CTNNAL1: variants seen among roughly 807,000 people sequenced by gnomAD.
CTNNAL1 encodes alpha-catulin.
Under a neutral mutation model 93.6 loss-of-function variants are expected in CTNNAL1, and 69 were observed. The observed-to-expected ratio is 0.74, with a 90% CI of 0.61 to 0.90. CTNNAL1 has a LOEUF of 0.90. CTNNAL1 is among the 40% of genes least tolerant of loss of function. The pLI is 0.00. For missense variants in CTNNAL1, 836 were observed against 862.0 expected (o/e 0.97, Z 0.38); for synonymous variants, 286 against 305.4 (o/e 0.94, Z 0.66).
At chr9:108,979,168 C>T in intron 7 of CTNNAL1, 113 bp downstream of exon 7, 1 of 1,311,806 alleles carries the variant, frequency 7.6e-7, no homozygotes, top group Admixed American at 2.2e-5. Context: ...GATATCCTGT[C>T]CCATTCTGGA....
intron 10 of CTNNAL1, among the ~76,000 whole-genome samples, chr9:108,968,324 TG>T (rs1831015750): frequency 6.6e-6 from 1 of 152,236 alleles, no homozygotes; most frequent in Non-Finnish European, 1.5e-5. Context: ...GCTAAGGCTT[TG>T]GGAACAGAAA....
At chr9:108,957,886 G>A (rs991943872) in intron 11 of CTNNAL1, among the ~76,000 whole-genome samples, 33 of 152,094 alleles carry the variant, frequency 2.2e-4, no homozygotes, top group Admixed American at 1.0e-3. Flanking sequence ...GGGAGGCTAA[G>A]GCAAGTGGAT....
intron 11 of CTNNAL1, among the ~76,000 whole-genome samples, chr9:108,957,451 G>A (rs1331566114): frequency 6.6e-6 from 1 of 152,048 alleles, no homozygotes; most frequent in Non-Finnish European, 1.5e-5. Context: ...TGTGTGTCAC[G>A]TTCTGTTTCT....
At chr9:109,002,836 G>A (rs2011582) in intron 1 of CTNNAL1, among the ~76,000 whole-genome samples, 8,716 of 129,932 alleles carry the variant, frequency 0.067, 827 homozygotes, top group African/African-American at 0.21. Context: ...AAAAAAAAAA[G>A]AAAAAAGTTA....
chr9:108,986,297 G>A (rs919857942), intron 4 of CTNNAL1, among the ~76,000 whole-genome samples: 15 of 150,448 alleles, frequency 1.0e-4, no homozygotes, highest in African/African-American at 2.2e-4. Flanking sequence ...TTGTCCTTGC[G>A]ATAGTTTACT....
intron 4 of CTNNAL1, among the ~76,000 whole-genome samples, chr9:108,985,277 GCAAA>G (rs1831572028): frequency 6.6e-6 from 1 of 152,194 alleles, no homozygotes; most frequent in South Asian, 2.1e-4. Flanking sequence ...TAGTGTGAAA[GCAAA>G]CAGAGACAAT....
chr9:108,988,718 T>C (rs747949002), intron 4 of CTNNAL1, among the ~76,000 whole-genome samples: 3 of 152,212 alleles, frequency 2.0e-5, no homozygotes, highest in Non-Finnish European at 4.4e-5. Context: ...CATGCATGTT[T>C]CTGTTTTATT....
chr9:108,992,533 A>T, intron 3 of CTNNAL1, 99 bp downstream of exon 3: 1 of 1,400,192 alleles, frequency 7.1e-7, no homozygotes, highest in East Asian at 2.5e-5. Context: ...TGCATTCTTC[A>T]TCGACACACA....
At position 108,965,496 on chromosome 9, in the gene CTNNAL1, A is replaced by T; in HGVS notation, c.1473T>A (p.His491Gln). 6.3e-7 allele frequency: 1 copy of T among 1,584,054 alleles called. No individual in the cohort carries two copies. Among genetic ancestry groups the T allele is most frequent in the Non-Finnish European group, 8.6e-7 (1 of 1,166,100 alleles). The stretch of plus-strand genomic sequence containing the variant: ...TTTCTTTAGCAATTTTACTAGATGG[A>T]TGCAATGTCAATGTTTCAGCAGCAG... ...IISAAETLTLHPSSKIAKENL... is the reference protein window; with the variant it reads ...IISAAETLTLQPSSKIAKENL... The change falls in exon 11 of 19, where the codon CAT becomes CAA. Residue 491 changes from histidine to glutamine, a missense_variant. His to Gln is a conservative substitution (Grantham distance 24). Transcript: ENST00000325551.
At chr9:108,987,160 A>G (rs1261887887) in intron 4 of CTNNAL1, among the ~76,000 whole-genome samples, 1 of 152,270 alleles carries the variant, frequency 6.6e-6, no homozygotes, top group Admixed American at 6.5e-5. Context: ...TTATGGTTTT[A>G]GGTCTAACGT....
rs760434340 is a variant in CTNNAL1 at position 108,948,196 on chromosome 9, T to A, written c.1874A>T (p.His625Leu). 16 of 1,612,124 alleles carry A rather than the reference T, an allele frequency of 9.9e-6. No homozygotes were observed. The East Asian group carries it at 3.6e-4, about 36-fold the overall frequency. ...GGAAACAAGGCATACCTCTAGTTGATGAATTAAATCCTGGGAAGTTTTCAG... is the reference window on the plus strand; with the variant it reads ...GGAAACAAGGCATACCTCTAGTTGAAGAATTAAATCCTGGGAAGTTTTCAG... Reference protein sequence around the residue: ...GPLKTSQDLIHQLEVFAAEGL... With the variant: ...GPLKTSQDLILQLEVFAAEGL... Residue 625 changes from histidine (H) to leucine (L), a missense_variant, in exon 15 of 19, where the codon CAT becomes CTT. Physicochemically the swap from His to Leu is moderately conservative, Grantham distance 99. Coordinates refer to ENST00000325551, the MANE Select transcript of CTNNAL1 (RefSeq NM_003798.4).
At chr9:108,989,515 C>T (rs1831721423) in intron 4 of CTNNAL1, among the ~76,000 whole-genome samples, 1 of 152,228 alleles carries the variant, frequency 6.6e-6, no homozygotes. Flanking sequence ...CAGACCAATA[C>T]CCATTTTTCA....
Position 108,942,597 on chromosome 9 carries a change from ATTAG to A in CTNNAL1, c.*168_*171del. On this transcript the variant is annotated 3_prime_UTR_variant, in exon 19 of 19. Coordinates refer to ENST00000325551, the MANE Select transcript of CTNNAL1 (RefSeq NM_003798.4). ...GAATCTAGCAATTACCAAGACATTT[ATTAG>A]TTGTCAAAAAGCTTTACAATCAGTT... is the stretch of plus-strand genomic sequence containing the variant. The A allele has an allele frequency of 1.7e-6, 1 of 579,268 alleles. No individual in the cohort carries two copies. The highest frequency in any genetic ancestry group is 2.4e-5 in the South Asian group (1 of 42,196). 35.9% of individuals were successfully genotyped at this position (579,268 alleles called of 1,614,324 possible). A position where few individuals can be genotyped will look rare whatever the true frequency, so the allele number is the denominator to read the frequency against.
Position 108,965,509 on chromosome 9 carries a change from G to A in CTNNAL1, c.1460C>T (p.Thr487Ile), listed in dbSNP as rs750209763. 1 of 1,568,224 alleles carries A rather than the reference G, an allele frequency of 6.4e-7. No individual in the cohort carries two copies. Among genetic ancestry groups the A allele is most frequent in the Non-Finnish European group, 8.6e-7 (1 of 1,157,412 alleles). ...TTTACTAGATGGATGCAATGTCAAT[G>A]TTTCAGCAGCAGAAATTATCTAAAG... is the stretch of plus-strand genomic sequence containing the variant. Reference protein sequence around the residue: ...TGQQIISAAETLTLHPSSKIA... With the variant: ...TGQQIISAAEILTLHPSSKIA... Residue 487 changes from threonine to isoleucine, a missense_variant, in exon 11 of 19, where the codon ACA (threonine) becomes ATA (isoleucine). Physicochemically the swap from Thr to Ile is moderately conservative, Grantham distance 89. Coordinates refer to ENST00000325551, the MANE Select transcript of CTNNAL1 (RefSeq NM_003798.4).
Position 108,992,808 on chromosome 9 carries a change from C to T in CTNNAL1, c.343G>A (p.Ala115Thr), listed in dbSNP as rs150592340. 99 of 1,605,934 alleles carry T rather than the reference C, an allele frequency of 6.2e-5. No homozygotes were observed. In the African/African-American group the frequency reaches 1.2e-3, roughly 19 times the overall value. The change falls in exon 3 of 19, where the codon GCA becomes ACA. Residue 115 changes from alanine to threonine, a missense_variant. Physicochemically the swap from Ala to Thr is moderately conservative, Grantham distance 58. Coordinates refer to ENST00000325551, the MANE Select transcript of CTNNAL1 (RefSeq NM_003798.4). ...IEAKQAGETI[A>T]ALTDITNLNH... The stretch of plus-strand genomic sequence containing the variant: ...AAGTTGGTTATGTCTGTAAGTGCTG[C>T]AATTGTTTCTCCTAACAAGAAAGAC...
At chr9:108,959,446 T>G (rs954553048) in intron 11 of CTNNAL1, among the ~76,000 whole-genome samples, 2 of 149,642 alleles carry the variant, frequency 1.3e-5, no homozygotes, top group African/African-American at 4.9e-5. Flanking sequence ...TTAAAAAATC[T>G]GGGCATGGTG....
intron 1 of CTNNAL1, among the ~76,000 whole-genome samples, chr9:109,012,910 C>A (rs977779073): frequency 6.6e-6 from 1 of 152,162 alleles, no homozygotes; most frequent in Admixed American, 6.5e-5. Context: ...GCCCTAAGTA[C>A]CAGCGAGGGG....
rs559563029 is a variant in CTNNAL1, at chr9:108,947,263, G to A, written c.1884+923C>T. On this transcript the variant is annotated intron_variant, in intron 15 of 18. Coordinates refer to ENST00000325551, the MANE Select transcript of CTNNAL1 (RefSeq NM_003798.4). ...CAAGTAGCTGGGACTACAGGTGCCCGCCACCACACCCAGCGAATTTTGTGT... is the reference window on the plus strand; with the variant it reads ...CAAGTAGCTGGGACTACAGGTGCCCACCACCACACCCAGCGAATTTTGTGT... Among the ~76,000 whole-genome samples the A allele has an allele frequency of 5.3e-5, 8 of 152,056 alleles. No individual in the cohort carries two copies. In the South Asian group the frequency reaches 1.2e-3, roughly 24 times the overall value.
At chr9:109,002,514 A>G (rs1352184582) in intron 1 of CTNNAL1, among the ~76,000 whole-genome samples, 1 of 152,234 alleles carries the variant, frequency 6.6e-6, no homozygotes, top group African/African-American at 2.4e-5. Flanking sequence ...CCTCATTAAC[A>G]TGAAAGGGAG....
Sources: allele counts gnomAD v4.1 joint callset (sites outside exome capture counted in the v4.1 genomes callset), GRCh38; gene constraint gnomAD v4.1.1; transcripts MANE v1.5; gene names NCBI Gene and HGNC (gene_info 2026-07-23, HGNC 2026-07-21).